The following SMPDL3A variants were observed in gnomAD, a reference collection of about 807,000 sequenced individuals.
SMPDL3A encodes sphingomyelin phosphodiesterase acid like 3A.
Under a neutral mutation model 38.5 loss-of-function variants are expected in SMPDL3A, and 39 were observed. The ratio of observed to expected loss-of-function variants is 1.01; its 90% CI spans 0.78 to 1.32. SMPDL3A has a LOEUF of 1.32. Among genes scored for constraint, SMPDL3A ranks in the 40% most tolerant of loss-of-function variants. The pLI, the probability that SMPDL3A is intolerant of heterozygous loss-of-function variation, is 0.00. For synonymous variants in SMPDL3A, 180 were observed against 194.3 expected (o/e 0.93, Z 0.61); for missense variants, 502 against 536.2 (o/e 0.94, Z 0.63).
Position 122,809,177 on chromosome 6 carries a change from C to T in SMPDL3A, c.1131C>T (p.Thr377=). The T allele has an allele frequency of 6.2e-7, 1 of 1,614,130 alleles. No individual in the cohort carries two copies. The highest frequency in any genetic ancestry group is 8.5e-7 in the Non-Finnish European group (1 of 1,179,988). Residue 377 remains threonine, a synonymous_variant, in exon 8 of 8, where the codon ACC becomes ACT. Transcript: ENST00000368440. ...AGCTGGAGTATATCCTGACCCAGAC[C>T]TACGACATTGAAGATTTGCAGCCGG... ...IWKLEYILTQ[T]YDIEDLQPES... is the part of the protein sequence containing the mutation.
chr6:122,793,165 A>G (rs745333496), intron 1 of SMPDL3A, among the ~76,000 whole-genome samples: 4 of 152,232 alleles, frequency 2.6e-5, no homozygotes, highest in Non-Finnish European at 5.9e-5. Flanking sequence ...TAAGTACTTG[A>G]ATTTTAAGTA....
intron 1 of SMPDL3A, among the ~76,000 whole-genome samples, chr6:122,791,216 T>C (rs1781065364): frequency 6.6e-6 from 1 of 152,200 alleles, no homozygotes; most frequent in Non-Finnish European, 1.5e-5. Flanking sequence ...TGTCAAGTCC[T>C]GGTGGTCGGA....
At position 122,789,377 on chromosome 6, in the gene SMPDL3A, C is replaced by G. The variant is rs758404957; in HGVS notation, c.31C>G (p.Leu11Val). Residue 11 changes from leucine to valine, a missense_variant, in exon 1 of 8, where the codon CTG (leucine) becomes GTG (valine). Coordinates refer to ENST00000368440, the MANE Select transcript of SMPDL3A (RefSeq NM_006714.5). ...GCTGGTGCGCGCACTCGTCTGCTGCCTGCTGACTGCCTGGCACTGCCGCTC... is the reference window on the plus strand; with the variant it reads ...GCTGGTGCGCGCACTCGTCTGCTGCGTGCTGACTGCCTGGCACTGCCGCTC... MALVRALVCC[L>V]LTAWHCRSGL... The G allele has an allele frequency of 3.3e-5, 51 of 1,548,662 alleles. No homozygotes were observed. The highest frequency in any genetic ancestry group is 4.1e-5 in the Non-Finnish European group (47 of 1,146,284).
rs1455767513 is a variant in SMPDL3A at position 122,794,610 on chromosome 6, A to G, written c.113-1067A>G. Among the ~76,000 whole-genome samples, 4 of 151,938 alleles carry G rather than the reference A, an allele frequency of 2.6e-5. No individual in the cohort carries two copies. In the South Asian group the frequency reaches 8.3e-4, roughly 32 times the overall value. ...AGACTCCATCTCAAAAAAAACACAC[A>G]CAAAAAAAAACTTTCTTAAGATGAT... On this transcript the variant is annotated intron_variant, in intron 1 of 7. Transcript: ENST00000368440.
rs753634524 is a variant in SMPDL3A at position 122,801,376 on chromosome 6, G to C, written c.538G>C (p.Asp180His). Residue 180 changes from aspartate to histidine, a missense_variant, in exon 4 of 8, where the codon GAT becomes CAT. Physicochemically the swap from Asp to His is moderately conservative, Grantham distance 81. Transcript: ENST00000368440. ...AVANLWKPWL[D>H]EEAISTLRKG... ...AGCAAACCTCTGGAAACCATGGCTA[G>C]ATGAAGAAGCTATTAGTACTTTAAG... The C allele has an allele frequency of 7.4e-6, 12 of 1,612,382 alleles. No homozygotes were observed. Among genetic ancestry groups the C allele is most frequent in the Non-Finnish European group, 1.0e-5 (12 of 1,178,534 alleles).
At chr6:122,795,389 T>A (rs1300299083) in intron 1 of SMPDL3A, among the ~76,000 whole-genome samples, 1 of 152,132 alleles carries the variant, frequency 6.6e-6, no homozygotes, top group African/African-American at 2.4e-5. Context: ...GGGATCCACC[T>A]GCTTCAGCCT....
At chr6:122,802,500 C>A (rs1393601824) in intron 4 of SMPDL3A, among the ~76,000 whole-genome samples, 1 of 152,126 alleles carries the variant, frequency 6.6e-6, no homozygotes, top group African/African-American at 2.4e-5. Flanking sequence ...CCGTGCCCGG[C>A]CTATGTCTAG....
intron 2 of SMPDL3A, among the ~76,000 whole-genome samples, chr6:122,796,567 C>T (rs1039443803): frequency 2.0e-5 from 3 of 152,192 alleles, no homozygotes; most frequent in East Asian, 3.9e-4. Context: ...AGTTTTTAGC[C>T]TCTTATAAAT....
intron 1 of SMPDL3A, among the ~76,000 whole-genome samples, chr6:122,791,689 ATTATT>A (rs1006282407): frequency 2.6e-5 from 4 of 151,974 alleles, no homozygotes; most frequent in African/African-American, 4.8e-5. Context: ...AATTTATTTT[ATTATT>A]TTATTTTATT....
At chr6:122,804,341 T>C (rs1423030523) in intron 5 of SMPDL3A, among the ~76,000 whole-genome samples, 3 of 151,956 alleles carry the variant, frequency 2.0e-5, no homozygotes, top group African/African-American at 7.3e-5. Context: ...TCTCACTCTG[T>C]TGCCCAGGCT....
At chr6:122,791,026 C>A (rs565171184) in intron 1 of SMPDL3A, among the ~76,000 whole-genome samples, 1 of 152,170 alleles carries the variant, frequency 6.6e-6, no homozygotes, top group Non-Finnish European at 1.5e-5. Flanking sequence ...AGTGTTCACT[C>A]AGCAGTTTCA....
At chr6:122,800,263 A>G (rs1394730894) in intron 3 of SMPDL3A, among the ~76,000 whole-genome samples, 1 of 152,202 alleles carries the variant, frequency 6.6e-6, no homozygotes, top group Non-Finnish European at 1.5e-5. Context: ...TGTACTTAAA[A>G]TGTGTTATTT....
chr6:122,791,600 A>G (rs1781079342), intron 1 of SMPDL3A, among the ~76,000 whole-genome samples: 1 of 152,216 alleles, frequency 6.6e-6, no homozygotes, highest in Non-Finnish European at 1.5e-5. Flanking sequence ...ATTTTGGATT[A>G]AAAGATTTTC....
chr6:122,805,796 T>G (rs1221932831), intron 6 of SMPDL3A, among the ~76,000 whole-genome samples: 1 of 152,168 alleles, frequency 6.6e-6, no homozygotes, highest in African/African-American at 2.4e-5. Context: ...AATTTCACCA[T>G]GTTGGCCAGG....
rs1388734933 is a variant in SMPDL3A at position 122,803,742 on chromosome 6, CA to C, written c.650del (p.Asn217IlefsTer2). 3.1e-6 allele frequency: 5 copies of C among 1,613,736 alleles called. No individual in the cohort carries two copies. The highest frequency in any genetic ancestry group is 3.4e-6 in the Non-Finnish European group (4 of 1,179,850). Reference sequence around the variant, plus strand: ...CTAAACACAAACTTGTACTACGGCCCAAATATAATGACACTGAACAAGACTG... The same window carrying C: ...CTAAACACAAACTTGTACTACGGCCCAATATAATGACACTGAACAAGACTG... ...ISLNTNLYYG[P>X]NIMTLNKTDP... is the part of the protein sequence containing the mutation. On this transcript the variant is annotated frameshift_variant, in exon 5 of 8. Coordinates refer to ENST00000368440, the MANE Select transcript of SMPDL3A (RefSeq NM_006714.5). LOFTEE classifies it high-confidence loss of function.
chr6:122,809,505 A>C lies in SMPDL3A; in HGVS notation c.*97A>C, dbSNP rs1055356722. On this transcript the variant is annotated 3_prime_UTR_variant, in exon 8 of 8. Coordinates refer to ENST00000368440, the MANE Select transcript of SMPDL3A (RefSeq NM_006714.5). ...ATCTTTGTTAATTACTGAGTGGGCA[A>C]GTAGACTTCCTGTCTTTGCTTTCTT... 2 of 843,168 alleles carry C rather than the reference A, an allele frequency of 2.4e-6. No homozygotes were observed. The highest frequency in any genetic ancestry group is 3.5e-5 in the African/African-American group (2 of 57,954). 52.2% of individuals were successfully genotyped at this position (843,168 alleles called of 1,614,324 possible). A position where few individuals can be genotyped will look rare whatever the true frequency, so the allele number is the denominator to read the frequency against.
intron 1 of SMPDL3A, among the ~76,000 whole-genome samples, 171 bp from the exon 2 acceptor site, chr6:122,795,503 ATCT>A (rs1468664830): frequency 1.3e-5 from 2 of 152,176 alleles, no homozygotes; most frequent in African/African-American, 4.8e-5. Context: ...CTTGAAGCTC[ATCT>A]TCTCACAGAG....
In SMPDL3A at chr6:122,790,004, C is replaced by T. The variant is rs1582529596; in HGVS notation, c.112+546C>T. 1.5e-5 allele frequency: 4 copies of T among 275,718 alleles called. No individual in the cohort carries two copies. In the Admixed American group the frequency reaches 2.6e-4, roughly 18 times the overall value. The allele number at this position is 275,718 out of a possible 1,614,324, so 17.1% of individuals were successfully genotyped here. The stretch of plus-strand genomic sequence containing the variant: ...CACCCAGCCAGAGCGCGAAAGCACC[C>T]TCGGGTAGACTCACCCCTTAGTCTA... On this transcript the variant is annotated intron_variant, in intron 1 of 7. Coordinates refer to ENST00000368440, the MANE Select transcript of SMPDL3A (RefSeq NM_006714.5).
In SMPDL3A at chr6:122,791,424, C is replaced by T. The variant is rs917399093; in HGVS notation, c.112+1966C>T. Among the ~76,000 whole-genome samples, 7 of 152,296 alleles carry T rather than the reference C, an allele frequency of 4.6e-5. No individual in the cohort carries two copies. The East Asian group carries it at 1.2e-3, about 25-fold the overall frequency. Reference sequence around the variant, plus strand: ...TAGTCAGATGAGACTGAAAACCTAACTTAAGAGTATGCACTGGTAACAATA... The same window carrying T: ...TAGTCAGATGAGACTGAAAACCTAATTTAAGAGTATGCACTGGTAACAATA... On this transcript the variant is annotated intron_variant, in intron 1 of 7. Coordinates refer to ENST00000368440, the MANE Select transcript of SMPDL3A (RefSeq NM_006714.5).
Sources: gnomAD v4.1 joint callset for allele counts (sites outside exome capture counted in the v4.1 genomes callset) on GRCh38, gnomAD v4.1.1 for gene constraint, MANE v1.5 for transcripts, NCBI Gene and HGNC (gene_info 2026-07-23, HGNC 2026-07-21) for gene names.